SORCS2: variants seen among roughly 807,000 people sequenced by gnomAD.
SORCS2 encodes the protein VPS10 domain-containing receptor SorCS2.
A neutral mutation model predicts 141.6 loss-of-function variants in SORCS2; 100 were observed. The ratio of observed to expected loss-of-function variants is 0.71; its 90% CI spans 0.60 to 0.83. The LOEUF (loss-of-function observed/expected upper bound fraction) is 0.83. Ranked by LOEUF, SORCS2 falls within the 40% of genes least tolerant of loss-of-function variation. The pLI, the probability that SORCS2 is intolerant of heterozygous loss-of-function variation, is 0.00. For missense variants in SORCS2, 1,646 were observed against 1,560.2 expected, an observed-to-expected ratio of 1.05 and a Z score of -0.93; for synonymous variants, 789 against 676.9, an observed-to-expected ratio of 1.17 and a Z score of -2.57.
chr4:7,435,847 G>A (rs1252033718), intron 2 of SORCS2, among the ~76,000 whole-genome samples: 1 of 152,228 alleles, frequency 6.6e-6, no homozygotes, highest in Non-Finnish European at 1.5e-5. Flanking sequence ...TGGCCTAATT[G>A]CCAAACAGCC....
At chr4:7,660,160 G>C (rs1560463449) in intron 5 of SORCS2, among the ~76,000 whole-genome samples, 1 of 152,244 alleles carries the variant, frequency 6.6e-6, no homozygotes, top group East Asian at 1.9e-4. Context: ...CACAGACTCA[G>C]GACCTGGCTT....
chr4:7,485,561 A>T (rs1480337147), intron 2 of SORCS2, among the ~76,000 whole-genome samples: 2 of 152,290 alleles, frequency 1.3e-5, no homozygotes, highest in Non-Finnish European at 2.9e-5. Context: ...TTGTTATTTG[A>T]TATCAACAAC....
At chr4:7,204,892 G>A (rs1164142969) in intron 1 of SORCS2, among the ~76,000 whole-genome samples, 1 of 152,332 alleles carries the variant, frequency 6.6e-6, no homozygotes, top group Non-Finnish European at 1.5e-5. Context: ...ATTGCTCGGC[G>A]CGGCCGCGCT....
chr4:7,298,873 G>A (rs982772298), intron 1 of SORCS2, among the ~76,000 whole-genome samples: 9 of 152,226 alleles, frequency 5.9e-5, no homozygotes, highest in South Asian at 2.1e-4. Flanking sequence ...AGAGCCTGGC[G>A]GAATCAGCCC....
intron 2 of SORCS2, among the ~76,000 whole-genome samples, chr4:7,497,994 C>T (rs1363354543): frequency 6.6e-6 from 1 of 152,242 alleles, no homozygotes; most frequent in Non-Finnish European, 1.5e-5. Context: ...TGCTGGTGCC[C>T]ACAGCCTGTT....
At chr4:7,735,817 C>T (rs1712118977) in intron 25 of SORCS2, among the ~76,000 whole-genome samples, 1 of 152,228 alleles carries the variant, frequency 6.6e-6, no homozygotes, top group South Asian at 2.1e-4. Context: ...ATCCCACCTC[C>T]TTCCTGTGTG....
chr4:7,289,949 G>C (rs1382397301), intron 1 of SORCS2, among the ~76,000 whole-genome samples: 2 of 152,200 alleles, frequency 1.3e-5, no homozygotes, highest in East Asian at 3.9e-4. Context: ...ACAAGGACAA[G>C]AGTCCCCTTC....
intron 3 of SORCS2, among the ~76,000 whole-genome samples, chr4:7,540,201 CCTCCCTGCCCCTGCCTCTGCCT>C (rs1712510781): frequency 1.5e-5 from 2 of 131,194 alleles, no homozygotes; most frequent in African/African-American, 5.8e-5. Context: ...CCTCCCTGCC[CCTCCCTGCCCCTGCCTCTGCCT>C]CTCCCTGCCC....
intron 2 of SORCS2, among the ~76,000 whole-genome samples, chr4:7,475,714 A>G (rs1217246339): frequency 7.0e-6 from 1 of 142,696 alleles, no homozygotes; most frequent in Non-Finnish European, 1.5e-5. Context: ...CACAACACAC[A>G]TACACACACA....
At chr4:7,421,587 A>T (rs116777591) in intron 2 of SORCS2, among the ~76,000 whole-genome samples, 1,767 of 150,988 alleles carry the variant, frequency 0.012, 33 homozygotes, top group African/African-American at 0.039. Flanking sequence ...TGGCAATGGG[A>T]GTGTGGGGGG....
At chr4:7,311,405 C>T (rs973523511) in intron 1 of SORCS2, among the ~76,000 whole-genome samples, 24 of 152,180 alleles carry the variant, frequency 1.6e-4, no homozygotes, top group African/African-American at 5.8e-4. Context: ...GTGGAGACAC[C>T]TGTCTTCATT....
intron 1 of SORCS2, among the ~76,000 whole-genome samples, chr4:7,239,910 G>A (rs1194310209): frequency 2.6e-5 from 4 of 152,218 alleles, no homozygotes; most frequent in African/African-American, 7.2e-5. Flanking sequence ...GAAGGTGGAC[G>A]TTGTTCCTGG....
At chr4:7,360,649 G>A (rs1468235491) in intron 1 of SORCS2, among the ~76,000 whole-genome samples, 2 of 125,568 alleles carry the variant, frequency 1.6e-5, no homozygotes, top group Non-Finnish European at 1.6e-5. Context: ...TATGATTATG[G>A]CTCACTGTTG....
intron 1 of SORCS2, among the ~76,000 whole-genome samples, chr4:7,238,104 C>A (rs1056946534): frequency 6.6e-6 from 1 of 152,144 alleles, no homozygotes; most frequent in Non-Finnish European, 1.5e-5. Context: ...TTCTATTTGA[C>A]TCATGGTGGG....
intron 3 of SORCS2, among the ~76,000 whole-genome samples, chr4:7,613,593 C>A (rs920741698): frequency 2.0e-5 from 3 of 152,182 alleles, no homozygotes; most frequent in Admixed American, 6.5e-5. Flanking sequence ...AGCACATGCA[C>A]CTCACATGGC....
chr4:7,643,132 T>C (rs1311926795), intron 4 of SORCS2, among the ~76,000 whole-genome samples: 2 of 152,206 alleles, frequency 1.3e-5, no homozygotes, highest in Non-Finnish European at 2.9e-5. Context: ...TCCATGACTT[T>C]ACAATGCTTC....
At chr4:7,706,501 C>T (rs866666214) in intron 14 of SORCS2, among the ~76,000 whole-genome samples, 55 of 89,926 alleles carry the variant, frequency 6.1e-4, no homozygotes, top group East Asian at 1.0e-3. Context: ...GGCTGGGCTC[C>T]GCCTGGGCAG....
intron 23 of SORCS2, among the ~76,000 whole-genome samples, chr4:7,730,475 C>T (rs1238061612): frequency 6.6e-6 from 1 of 152,224 alleles, no homozygotes; most frequent in Non-Finnish European, 1.5e-5. Context: ...CAGCATTACT[C>T]ATCGTAGCCA....
In SORCS2 at chr4:7,691,377, A is replaced by G. The variant is rs80271404; in HGVS notation, c.1591+1789A>G. On this transcript the variant is annotated intron_variant, in intron 11 of 26. Transcript: ENST00000507866. ...AATGGCCTTCTGGGTGGAAGGGGGA[A>G]CGTGGGGACCCCAAAGGACCAGACC... is the stretch of plus-strand genomic sequence containing the variant. 5.1e-4 allele frequency among the ~76,000 whole-genome samples: 78 copies of G among 152,292 alleles called. 3 individuals carry two copies. In the East Asian group the frequency reaches 0.015, roughly 29 times the overall value.
Sources: allele counts gnomAD v4.1 joint callset (sites outside exome capture counted in the v4.1 genomes callset), GRCh38; gene constraint gnomAD v4.1.1; transcripts MANE v1.5; gene names NCBI Gene and HGNC (gene_info 2026-07-23, HGNC 2026-07-21).